The following TH variants were observed in gnomAD, a reference collection of about 807,000 sequenced individuals.
TH encodes tyrosine hydroxylase.
In TH, 49 loss-of-function variants were observed where a neutral mutation model predicts 57.4. That is an observed-to-expected ratio of 0.85 (90% CI 0.68 to 1.08). The LOEUF is 1.08. Ranked by LOEUF, TH falls within the 50% of genes least tolerant of loss-of-function variation. The pLI is 0.00. For synonymous variants in TH, 330 were observed against 304.5 expected (o/e 1.08, Z -0.87); for missense variants, 720 against 696.7 (o/e 1.03, Z -0.38).
At position 2,167,288 on chromosome 11, in the gene TH, A is replaced by T. The variant is rs554087669; in HGVS notation, c.695+147T>A. On this transcript the variant is annotated intron_variant, in intron 6 of 12. Transcript: ENST00000352909. ...ATGGGTAGCCTCTTCCTCCCAACCC[A>T]ACATTCTGAGCCCTGCAAGTCCCTC... The T allele has an allele frequency of 9.2e-6, 10 of 1,089,652 alleles. No homozygotes were observed. The South Asian group carries it at 1.5e-4, about 16-fold the overall frequency. The allele number at this position is 1,089,652 out of a possible 1,614,324, so 67.5% of individuals were successfully genotyped here.
chr11:2,166,040 G>C lies in TH; in HGVS notation c.1066C>G (p.Leu356Val), dbSNP rs1846080920. The change falls in exon 10 of 13, where the codon CTG becomes GTG. Residue 356 changes from leucine to valine, a missense_variant. Physicochemically the swap from Leu to Val is conservative, Grantham distance 32 (BLOSUM62 1). Transcript: ENST00000352909. ...QFSQDIGLAS[L>V]GASDEEIEKL... Reference sequence around the variant, plus strand: ...TCAATTTCCTCATCCGAGGCCCCCAGGGACGCCAGGCCAATGTCCTGTGGA... The same window carrying C: ...TCAATTTCCTCATCCGAGGCCCCCACGGACGCCAGGCCAATGTCCTGTGGA... 2 of 1,558,520 alleles carry C rather than the reference G, an allele frequency of 1.3e-6. No individual in the cohort carries two copies. The highest frequency in any genetic ancestry group is 1.2e-5 in the South Asian group (1 of 84,578).
chr11:2,166,936 G>A lies in TH; in HGVS notation c.792C>T (p.Tyr264=), dbSNP rs200730608. The change falls in exon 7 of 13, where the codon TAC becomes TAT. Residue 264 remains tyrosine (Y), a synonymous_variant. Coordinates refer to ENST00000352909, the MANE Select transcript of TH (RefSeq NM_000360.4). ...AFALLERFSG[Y]REDNIPQLED... ...CCAGCTGGGGGATATTGTCTTCCCGGTAGCCGCTGAAGCGCTCCAGCAAAG... is the reference window on the plus strand; with the variant it reads ...CCAGCTGGGGGATATTGTCTTCCCGATAGCCGCTGAAGCGCTCCAGCAAAG... The A allele has an allele frequency of 1.9e-6, 3 of 1,600,636 alleles. No individual in the cohort carries two copies. The South Asian group carries it at 3.4e-5, about 18-fold the overall frequency.
rs368284250 is a variant in TH at position 2,164,418 on chromosome 11, C to T, written c.1335-26G>A. ...CTGGGGAGGAGAGCGGCAGAGCCCT[C>T]GTCAACTGGCGGGCAGAGTCTGCAG... is the stretch of plus-strand genomic sequence containing the variant. On this transcript the variant is annotated intron_variant, in intron 12 of 12. Coordinates refer to ENST00000352909, the MANE Select transcript of TH (RefSeq NM_000360.4). 205 of 1,539,512 alleles carry T rather than the reference C, an allele frequency of 1.3e-4. No individual in the cohort carries two copies. The African/African-American group carries it at 2.6e-3, about 19-fold the overall frequency.
chr11:2,166,830 G>A, intron 7 of TH, 57 bp downstream of exon 7: 2 of 1,566,636 alleles, frequency 1.3e-6, no homozygotes, highest in Non-Finnish European at 8.6e-7. Context: ...CTGGGGTGGG[G>A]CGCTTGGCTG....
chr11:2,165,618 C>A, intron 11 of TH, 50 bp downstream of exon 11: 1 of 1,590,884 alleles, frequency 6.3e-7, no homozygotes, highest in Non-Finnish European at 8.6e-7. Context: ...CCTGCACCGT[C>A]CCCCAGCCCT....
In TH at chr11:2,166,497, A is replaced by G; in HGVS notation, c.1030T>C (p.Phe344Leu). The change falls in exon 9 of 13, where the codon TTC (phenylalanine) becomes CTC (leucine). Residue 344 changes from phenylalanine (F) to leucine (L), a missense_variant. Coordinates refer to ENST00000352909, the MANE Select transcript of TH (RefSeq NM_000360.4). ...GHVPMLADRTFAQFSQDIGLA... is the reference protein window; with the variant it reads ...GHVPMLADRTLAQFSQDIGLA... ...CGGCGTACCTGCGAGAACTGCGCGA[A>G]GGTGCGGTCGGCCAGCATGGGCACG... is the stretch of plus-strand genomic sequence containing the variant. 2 of 1,594,992 alleles carry G rather than the reference A, an allele frequency of 1.3e-6. No homozygotes were observed. The highest frequency in any genetic ancestry group is 1.7e-6 in the Non-Finnish European group (2 of 1,175,958).
In TH at chr11:2,171,545, T is replaced by C. The variant is rs1846258463; in HGVS notation, c.90+152A>G. 2 of 763,096 alleles carry C rather than the reference T, an allele frequency of 2.6e-6. No homozygotes were observed. The highest frequency in any genetic ancestry group is 4.4e-6 in the Non-Finnish European group (2 of 458,158). 47.3% of individuals were successfully genotyped at this position (763,096 alleles called of 1,614,324 possible). Reference sequence around the variant, plus strand: ...ACACCAGGCACAGGGGATGCCGCTGTGCCCAGGCCTCCACATCCACGCCGC... The same window carrying C: ...ACACCAGGCACAGGGGATGCCGCTGCGCCCAGGCCTCCACATCCACGCCGC... On this transcript the variant is annotated intron_variant, in intron 1 of 12. Transcript: ENST00000352909. The surrounding 1 kb of genome is among the most constrained non-coding windows in gnomAD (Gnocchi z 8.6).
chr11:2,167,846 C>T lies in TH; in HGVS notation c.644+20G>A, dbSNP rs745379902. 5.2e-5 allele frequency: 83 copies of T among 1,587,398 alleles called. No homozygotes were observed. Among genetic ancestry groups the T allele is most frequent in the Non-Finnish European group, 6.6e-5 (77 of 1,166,600 alleles). ...AGCCTGCAGGACGGAGTCTGGGTCC[C>T]GAGCGCAGGGGCCCCTCACTGCCTG... On this transcript the variant is annotated intron_variant, in intron 5 of 12. Transcript: ENST00000352909.
At position 2,166,001 on chromosome 11, in the gene TH, C is replaced by T. The variant is rs1057516819; in HGVS notation, c.1104+1G>A. 1 of 1,561,212 alleles carries T rather than the reference C, an allele frequency of 6.4e-7. No homozygotes were observed. The highest frequency in any genetic ancestry group is 8.7e-7 in the Non-Finnish European group (1 of 1,152,930). On this transcript the variant is annotated splice_donor_variant, in intron 10 of 12. Coordinates refer to ENST00000352909, the MANE Select transcript of TH (RefSeq NM_000360.4). LOFTEE classifies it high-confidence loss of function. ...GGCCCTGCAGGGAGGGGTCAACCCACCGTGGACAGCTTCTCAATTTCCTCA... is the reference window on the plus strand; with the variant it reads ...GGCCCTGCAGGGAGGGGTCAACCCATCGTGGACAGCTTCTCAATTTCCTCA...
At chr11:2,165,963 A>G in intron 10 of TH, 39 bp downstream of exon 10, 11 of 1,551,904 alleles carry the variant, frequency 7.1e-6, no homozygotes, top group Non-Finnish European at 9.6e-6. Flanking sequence ...CAGACCCCCA[A>G]ACCCACACCC....
intron 2 of TH, 36 bp downstream of exon 2, chr11:2,169,614 G>A: frequency 6.2e-7 from 1 of 1,606,050 alleles, no homozygotes; most frequent in Non-Finnish European, 8.5e-7. Context: ...ACCCACAGGT[G>A]AACTTGCCCC....
rs535300047 is a variant in TH, at chr11:2,170,983, C to T, written c.90+714G>A. 6.6e-5 allele frequency among the ~76,000 whole-genome samples: 10 copies of T among 152,134 alleles called. No homozygotes were observed. In the South Asian group the frequency reaches 1.0e-3, roughly 16 times the overall value. On this transcript the variant is annotated intron_variant, in intron 1 of 12. Coordinates refer to ENST00000352909, the MANE Select transcript of TH (RefSeq NM_000360.4). This position sits in a 1 kb window ranked among gnomAD's most constrained non-coding sequence, Gnocchi z 6.0. ...GAGTGCCCAAGGAGGCACCGAAGAC[C>T]CCTCCTGTGGGCTGAAAAGCTCCCG... is the stretch of plus-strand genomic sequence containing the variant.
chr11:2,166,351 C>G (rs1349315998), intron 9 of TH, 129 bp downstream of exon 9: 3 of 1,261,062 alleles, frequency 2.4e-6, no homozygotes, highest in Non-Finnish European at 3.2e-6. Flanking sequence ...ACCCTCGGGG[C>G]GCCGAGCCTC....
At chr11:2,167,237 C>T in intron 6 of TH, 198 bp downstream of exon 6, 1 of 970,688 alleles carries the variant, frequency 1.0e-6, no homozygotes, top group Non-Finnish European at 1.5e-6. Context: ...GGCGGTCCCT[C>T]AGCACACTGG....
intron 2 of TH, among the ~76,000 whole-genome samples, chr11:2,169,170 TG>T (rs914603376): frequency 1.3e-5 from 2 of 151,078 alleles, no homozygotes; most frequent in African/African-American, 4.9e-5. Context: ...CTCTGGGAGC[TG>T]GGGGGCGGGG....
At position 2,169,817 on chromosome 11, in the gene TH, G is replaced by A. The variant is rs1312843586; in HGVS notation, c.145C>T (p.Arg49Trp). ...QSLIEDARKE[R>W]EAAVAAAAAA... ...GCCGCTGCTGCCACCGCCGCCTCCC[G>A]CTCCTTGCGGGCGTCCTCGATGAGG... The change falls in exon 2 of 13, where the codon CGG becomes TGG. Residue 49 changes from arginine (R) to tryptophan (W), a missense_variant. Arg to Trp is a moderately radical substitution (Grantham distance 101, BLOSUM62 -3). Transcript: ENST00000352909. 2.5e-6 allele frequency: 4 copies of A among 1,610,998 alleles called. No individual in the cohort carries two copies. The highest frequency in any genetic ancestry group is 1.7e-5 in the Admixed American group (1 of 59,924).
In TH at chr11:2,165,697, C is replaced by T. The variant is rs1243080287; in HGVS notation, c.1171G>A (p.Gly391Arg). 3.1e-6 allele frequency: 5 copies of T among 1,612,612 alleles called. No individual in the cohort carries two copies. Among genetic ancestry groups the T allele is most frequent in the East Asian group, 2.2e-5 (1 of 44,864 alleles). ...QNGEVKAYGA[G>R]LLSSYGELLH... Reference sequence around the variant, plus strand: ...AGCTCCCCGTAGGAGGACAGCAGCCCGGCACCATAGGCCTTCACCTCCCCG... The same window carrying T: ...AGCTCCCCGTAGGAGGACAGCAGCCTGGCACCATAGGCCTTCACCTCCCCG... The change falls in exon 11 of 13, where the codon GGG (glycine) becomes AGG (arginine). Residue 391 changes from glycine (G) to arginine (R), a missense_variant. Transcript: ENST00000352909.
In TH at chr11:2,167,928, G is replaced by T. The variant is rs555133070; in HGVS notation, c.582C>A (p.Phe194Leu). The change falls in exon 5 of 13, where the codon TTC (phenylalanine) becomes TTA (leucine). Residue 194 changes from phenylalanine to leucine, a missense_variant. By Grantham distance (22) the Phe-to-Leu change is conservative (BLOSUM62 0). Transcript: ENST00000352909. ...DPDLDLDHPG[F>L]SDQVYRQRRK... ...TGCGCTGGCGGTACACCTGGTCCGAGAAGCCCTGAGGGCAGAGGGGATGCA... is the reference window on the plus strand; with the variant it reads ...TGCGCTGGCGGTACACCTGGTCCGATAAGCCCTGAGGGCAGAGGGGATGCA... 1.2e-4 allele frequency: 197 copies of T among 1,611,684 alleles called. 1 individual carries two copies. In the South Asian group the frequency reaches 2.0e-3, roughly 16 times the overall value.
In TH at chr11:2,168,550, G is replaced by T. The variant is rs1158669643; in HGVS notation, c.428C>A (p.Ala143Asp). 6.2e-7 allele frequency: 1 copy of T among 1,612,050 alleles called. No individual in the cohort carries two copies. Among genetic ancestry groups the T allele is most frequent in the East Asian group, 2.2e-5 (1 of 44,838 alleles). ...RLEVRRGDLAALLSGVRQVSE... is the reference protein window; with the variant it reads ...RLEVRRGDLADLLSGVRQVSE... The stretch of plus-strand genomic sequence containing the variant: ...CACCTGGCGCACACCACTGAGCAGG[G>T]CGGCCAGGTCCCCTCGGCGCACCTC... The change falls in exon 3 of 13, where the codon GCC becomes GAC. Residue 143 changes from alanine (A) to aspartate (D), a missense_variant. Transcript: ENST00000352909.
Sources: allele counts gnomAD v4.1 joint callset (sites outside exome capture counted in the v4.1 genomes callset), GRCh38; gene constraint gnomAD v4.1.1; non-coding constraint Gnocchi (gnomAD v3.1); transcripts MANE v1.5; gene names NCBI Gene and HGNC (gene_info 2026-07-23, HGNC 2026-07-21).